SH3GL2: variants seen among roughly 807,000 people sequenced by gnomAD.
SH3GL2 encodes SH3 domain containing GRB2 like 2, endophilin A1.
SH3GL2 carries 24 observed loss-of-function variants against 46.0 expected under a neutral mutation model. That is an observed-to-expected ratio of 0.52 (90% CI 0.38 to 0.73). The LOEUF (loss-of-function observed/expected upper bound fraction) is 0.73, where lower values mean the gene tolerates loss of function less well. Among genes scored for constraint, SH3GL2 ranks in the 30% least tolerant of loss-of-function variants. The pLI is 0.00. For missense variants in SH3GL2, 413 were observed against 424.2 expected (o/e 0.97, Z 0.23); for synonymous variants, 196 against 147.1 (o/e 1.33, Z -2.40).
In SH3GL2 at chr9:17,793,377, G is replaced by T. The variant is rs1374394931; in HGVS notation, c.739G>T (p.Ala247Ser). ...TTCTTTTTACTGCAGAATAAGACAG[G>T]CTTCATCTCAGCCTAGAAGGGAATA... ...TVRLEERIRQ[A>S]SSQPRREYQP... The change falls in exon 8 of 9, where the codon GCT becomes TCT. Residue 247 changes from alanine to serine, a missense_variant. Physicochemically the swap from Ala to Ser is moderately conservative, Grantham distance 99. Around this residue, in one of 3 missense-constraint regions of SH3GL2, gnomAD observed 248 missense variants for 215.0 expected, o/e 1.15. Coordinates refer to ENST00000380607, the MANE Select transcript of SH3GL2 (RefSeq NM_003026.5). The T allele has an allele frequency of 2.5e-6, 4 of 1,611,486 alleles. No individual in the cohort carries two copies. Among genetic ancestry groups the T allele is most frequent in the South Asian group, 2.2e-5 (2 of 90,732 alleles).
intron 1 of SH3GL2, among the ~76,000 whole-genome samples, chr9:17,597,347 C>T (rs1377143587): frequency 6.6e-6 from 1 of 152,024 alleles, no homozygotes; most frequent in Non-Finnish European, 1.5e-5. Flanking sequence ...CATGCCCTGT[C>T]TGTGCTAAAA....
At chr9:17,615,743 A>C (rs1038214469) in intron 1 of SH3GL2, among the ~76,000 whole-genome samples, 4 of 151,622 alleles carry the variant, frequency 2.6e-5, no homozygotes, top group Admixed American at 1.3e-4. Context: ...AAAAAAAAAA[A>C]CCCACACTAC....
chr9:17,610,888 G>T (rs755410008), intron 1 of SH3GL2, among the ~76,000 whole-genome samples: 2 of 152,070 alleles, frequency 1.3e-5, no homozygotes, highest in African/African-American at 2.4e-5. Context: ...TAGTAATCTC[G>T]TTTTTAAGGT....
intron 1 of SH3GL2, among the ~76,000 whole-genome samples, chr9:17,580,508 T>A (rs893081846): frequency 6.6e-6 from 1 of 152,218 alleles, no homozygotes; most frequent in African/African-American, 2.4e-5. Flanking sequence ...ATTCTTGCCT[T>A]TATAGAATCA....
At chr9:17,626,083 T>A (rs911293457) in intron 1 of SH3GL2, among the ~76,000 whole-genome samples, 3 of 152,198 alleles carry the variant, frequency 2.0e-5, no homozygotes, top group Non-Finnish European at 4.4e-5. Flanking sequence ...GGTGTCCACT[T>A]GGCTCTTTGG....
chr9:17,678,815 G>T (rs1022584426), intron 1 of SH3GL2, among the ~76,000 whole-genome samples: 12 of 152,134 alleles, frequency 7.9e-5, no homozygotes, highest in Non-Finnish European at 1.8e-4. Flanking sequence ...TGTATAAGGT[G>T]TAAGGAAGGG....
intron 3 of SH3GL2, among the ~76,000 whole-genome samples, chr9:17,782,407 C>T (rs1823835058): frequency 6.6e-6 from 1 of 152,118 alleles, no homozygotes; most frequent in African/African-American, 2.4e-5. Context: ...TTCCAAAGAG[C>T]CAGATTCCTA....
chr9:17,789,726 A>G (rs1004187694), intron 6 of SH3GL2, 176 bp downstream of exon 6: 11 of 1,361,192 alleles, frequency 8.1e-6, no homozygotes, highest in African/African-American at 1.5e-5. Flanking sequence ...AGAAATAGAA[A>G]AGTTTCTTCT....
chr9:17,624,893 A>G (rs953008696), intron 1 of SH3GL2, among the ~76,000 whole-genome samples: 1 of 152,272 alleles, frequency 6.6e-6, no homozygotes, highest in Non-Finnish European at 1.5e-5. Context: ...TTCTTGGTAG[A>G]TGTTGGGTCA....
chr9:17,766,558 T>C (rs967477004), intron 3 of SH3GL2, among the ~76,000 whole-genome samples: 5 of 152,248 alleles, frequency 3.3e-5, no homozygotes, highest in African/African-American at 1.2e-4. Flanking sequence ...TTTTGAATTT[T>C]CTAGAAACCA....
At chr9:17,774,332 A>G (rs1823579089) in intron 3 of SH3GL2, among the ~76,000 whole-genome samples, 1 of 152,076 alleles carries the variant, frequency 6.6e-6, no homozygotes, top group African/African-American at 2.4e-5. Context: ...TGTTGAATAG[A>G]TGTGGTCACA....
At chr9:17,756,632 A>C (rs1454647675) in intron 2 of SH3GL2, among the ~76,000 whole-genome samples, 2 of 152,010 alleles carry the variant, frequency 1.3e-5, no homozygotes, top group East Asian at 3.9e-4. Context: ...AGCTTCATCC[A>C]CGTCCCTACA....
intron 1 of SH3GL2, among the ~76,000 whole-genome samples, chr9:17,593,826 G>A (rs1818525840): frequency 6.6e-6 from 1 of 152,180 alleles, no homozygotes; most frequent in Admixed American, 6.5e-5. Flanking sequence ...TCATCAGGCT[G>A]TGTGGCACAA....
chr9:17,751,223 A>C (rs1240792077), intron 2 of SH3GL2, among the ~76,000 whole-genome samples: 1 of 152,208 alleles, frequency 6.6e-6, no homozygotes, highest in African/African-American at 2.4e-5. Context: ...GTTGAGAAAG[A>C]ATGCCATTTC....
At position 17,643,886 on chromosome 9, in the gene SH3GL2, G is replaced by A. The variant is rs143045777; in HGVS notation, c.45+64599G>A. Among the ~76,000 whole-genome samples the A allele has an allele frequency of 7.3e-3, 1,105 of 152,212 alleles. 16 individuals carry two copies. The highest frequency in any genetic ancestry group is 0.025 in the African/African-American group (1,039 of 41,544). ...AGGAGTCCCTCTTTTTCTGTTGTTTGGAATAGTTTCAGAAGGAATGGCACC... is the reference window on the plus strand; with the variant it reads ...AGGAGTCCCTCTTTTTCTGTTGTTTAGAATAGTTTCAGAAGGAATGGCACC... On this transcript the variant is annotated intron_variant, in intron 1 of 8. Coordinates refer to ENST00000380607, the MANE Select transcript of SH3GL2 (RefSeq NM_003026.5).
At chr9:17,595,279 G>A (rs988769923) in intron 1 of SH3GL2, among the ~76,000 whole-genome samples, 29 of 152,094 alleles carry the variant, frequency 1.9e-4, no homozygotes, top group Admixed American at 5.9e-4. Context: ...CCAAGAAGAC[G>A]CGAACACTTT....
intron 1 of SH3GL2, among the ~76,000 whole-genome samples, chr9:17,702,687 G>A (rs3808698): frequency 1.3e-5 from 2 of 151,988 alleles, no homozygotes; most frequent in East Asian, 3.9e-4. Context: ...ATTACAATTA[G>A]GAAATTAGTG....
intron 1 of SH3GL2, among the ~76,000 whole-genome samples, chr9:17,722,138 T>C (rs1821910732): frequency 6.6e-6 from 1 of 152,096 alleles, no homozygotes; most frequent in Non-Finnish European, 1.5e-5. Context: ...CAAAGTGACA[T>C]ACCCAGAAAG....
At chr9:17,594,028 G>A (rs7859537) in intron 1 of SH3GL2, among the ~76,000 whole-genome samples, 9,610 of 152,138 alleles carry the variant, frequency 0.063, 1,061 homozygotes, top group African/African-American at 0.22. Flanking sequence ...TTCTGGTCTC[G>A]TTCCCCTCTG....
Sources: gnomAD v4.1 joint callset for allele counts (sites outside exome capture counted in the v4.1 genomes callset) on GRCh38, gnomAD v4.1.1 for gene constraint, gnomAD v4.1.1 regional missense constraint, MANE v1.5 for transcripts, NCBI Gene and HGNC (gene_info 2026-07-23, HGNC 2026-07-21) for gene names.